Variants in ADCY10 observed in about 807,000 individuals in gnomAD.
ADCY10 encodes the protein adenylate cyclase 10.
Under a neutral mutation model 183.3 loss-of-function variants are expected in ADCY10, and 156 were observed. That is an observed-to-expected ratio of 0.85 (90% CI 0.75 to 0.97). The LOEUF is 0.97. ADCY10 is among the 50% of genes least tolerant of loss of function. The pLI, the probability that ADCY10 is intolerant of heterozygous loss-of-function variation, is 0.00. For missense variants in ADCY10, 1,745 were observed against 1,934.3 expected, an observed-to-expected ratio of 0.90 and a Z score of 1.84; for synonymous variants, 645 against 670.0, an observed-to-expected ratio of 0.96 and a Z score of 0.58.
chr1:167,815,771 T>A (rs547796802), intron 31 of ADCY10, among the ~76,000 whole-genome samples: 8 of 151,986 alleles, frequency 5.3e-5, no homozygotes, highest in Non-Finnish European at 1.2e-4. Context: ...AAAGCTCTAA[T>A]GAATAAAGTA....
Position 167,845,563 on chromosome 1 carries a change from T to G in ADCY10, c.3007A>C (p.Thr1003Pro). Reference protein sequence around the residue: ...KKMAMSHGFKTEEKLILSNSE... With the variant: ...KKMAMSHGFKPEEKLILSNSE... Reference sequence around the variant, plus strand: ...ATAATTTTAAAATGAAGTAGGTTACTTTTAAATCCATGAGACATAGCCATC... The same window carrying G: ...ATAATTTTAAAATGAAGTAGGTTACGTTTAAATCCATGAGACATAGCCATC... The change falls in exon 21 of 33, where the codon ACT becomes CCT. Residue 1003 changes from threonine (T) to proline (P), a missense_variant and splice_region_variant. Physicochemically the swap from Thr to Pro is conservative, Grantham distance 38. Transcript: ENST00000367851. 4.3e-6 allele frequency: 7 copies of G among 1,614,168 alleles called. No homozygotes were observed. The highest frequency in any genetic ancestry group is 5.9e-6 in the Non-Finnish European group (7 of 1,179,968).
chr1:167,827,293 G>A (rs1315348077), intron 26 of ADCY10, among the ~76,000 whole-genome samples: 3 of 150,376 alleles, frequency 2.0e-5, no homozygotes, highest in South Asian at 2.1e-4. Flanking sequence ...TCAGCCTCCC[G>A]AGTAGCTGGG....
intron 8 of ADCY10, among the ~76,000 whole-genome samples, chr1:167,883,889 A>C (rs1012204053): frequency 6.6e-6 from 1 of 152,188 alleles, no homozygotes; most frequent in South Asian, 2.1e-4. Context: ...CCTCATGCCA[A>C]TATGAGCCAT....
chr1:167,843,906 C>T (rs1178458642), intron 21 of ADCY10, among the ~76,000 whole-genome samples: 1 of 152,204 alleles, frequency 6.6e-6, no homozygotes, highest in African/African-American at 2.4e-5. Context: ...CTTCACAAAT[C>T]CTGACCCTCT....
At chr1:167,905,996 T>C (rs747015407) in intron 1 of ADCY10, among the ~76,000 whole-genome samples, 20 of 152,304 alleles carry the variant, frequency 1.3e-4, no homozygotes, top group South Asian at 1.0e-3. Context: ...GAATAGGTTA[T>C]ACAGAAAATA....
In ADCY10 at chr1:167,859,919, G is replaced by A. The variant is rs770546608; in HGVS notation, c.1810-26C>T. 5.4e-5 allele frequency: 83 copies of A among 1,542,630 alleles called. 1 individual carries two copies. The highest frequency in any genetic ancestry group is 7.4e-5 in the Non-Finnish European group (82 of 1,115,336). Reference sequence around the variant, plus strand: ...CTGTACAAAGAATTATGAGAATATTGAGTATGGGAAAATAGCAAAGGGAAC... The same window carrying A: ...CTGTACAAAGAATTATGAGAATATTAAGTATGGGAAAATAGCAAAGGGAAC... On this transcript the variant is annotated intron_variant, in intron 15 of 32. Transcript: ENST00000367851.
chr1:167,890,503 G>T (rs1271672911), intron 8 of ADCY10, among the ~76,000 whole-genome samples: 2 of 152,184 alleles, frequency 1.3e-5, no homozygotes, highest in Non-Finnish European at 2.9e-5. Context: ...CACTGGGTCA[G>T]ACCTGAAGCT....
intron 17 of ADCY10, among the ~76,000 whole-genome samples, chr1:167,855,242 C>T (rs1018436672): frequency 1.3e-5 from 2 of 152,200 alleles, no homozygotes; most frequent in Non-Finnish European, 2.9e-5. Flanking sequence ...ATCGCTTGAA[C>T]CCGGGAGGTG....
intron 23 of ADCY10, chr1:167,834,430 A>G: frequency 2.8e-6 from 1 of 357,910 alleles, no homozygotes; most frequent in East Asian, 6.5e-5. Flanking sequence ...CCTATTCCCA[A>G]CAACACATCC....
intron 21 of ADCY10, among the ~76,000 whole-genome samples, chr1:167,840,194 T>G (rs1664512134): frequency 6.6e-6 from 1 of 151,508 alleles, no homozygotes; most frequent in South Asian, 2.1e-4. Flanking sequence ...ATCATGCCAC[T>G]ACATTCCAGC....
intron 15 of ADCY10, 34 bp from the exon 16 acceptor site, chr1:167,859,927 G>A (rs1242239503): frequency 1.3e-6 from 2 of 1,504,520 alleles, no homozygotes; most frequent in Non-Finnish European, 9.3e-7. Context: ...TTGAGTATGG[G>A]AAAATAGCAA....
At chr1:167,913,113 G>A (rs986111706) in intron 1 of ADCY10, among the ~76,000 whole-genome samples, 38 of 152,146 alleles carry the variant, frequency 2.5e-4, no homozygotes, top group Non-Finnish European at 4.4e-4. Flanking sequence ...ATCACATCAA[G>A]AATACAGCAT....
chr1:167,888,370 T>C (rs1668366401), intron 8 of ADCY10, among the ~76,000 whole-genome samples: 1 of 152,210 alleles, frequency 6.6e-6, no homozygotes, highest in East Asian at 1.9e-4. Context: ...CTTTGGGTAG[T>C]ATGAACATTC....
chr1:167,887,999 T>C (rs761059941), intron 8 of ADCY10, among the ~76,000 whole-genome samples: 7 of 152,202 alleles, frequency 4.6e-5, no homozygotes, highest in Admixed American at 2.6e-4. Flanking sequence ...CATCTGCATA[T>C]GGATATCCAG....
intron 21 of ADCY10, among the ~76,000 whole-genome samples, chr1:167,841,502 C>CTTTGTTT: frequency 1.1e-5 from 1 of 90,902 alleles, no homozygotes; most frequent in Non-Finnish European, 1.9e-5. Context: ...ATATGCTTTC[C>CTTTGTTT]TTTTTTTTTT....
Position 167,888,893 on chromosome 1 carries a change from A to AG in ADCY10, c.828+4959_828+4960insC, listed in dbSNP as rs1345342756. 4.3e-4 allele frequency among the ~76,000 whole-genome samples: 65 copies of AG among 151,514 alleles called. 1 individual carries two copies. Among genetic ancestry groups the AG allele is most frequent in the African/African-American group, 1.3e-3 (53 of 41,350 alleles). ...TCCGTCTCAAAAAAAAAAAAAAAGA[A>AG]AAAGAAAGAAAAAGAAATGCTGATT... On this transcript the variant is annotated intron_variant, in intron 8 of 32. Coordinates refer to ENST00000367851, the MANE Select transcript of ADCY10 (RefSeq NM_018417.6).
intron 1 of ADCY10, among the ~76,000 whole-genome samples, chr1:167,912,931 T>C (rs1047402195): frequency 2.0e-5 from 3 of 152,180 alleles, no homozygotes; most frequent in Non-Finnish European, 4.4e-5. Context: ...AATATCCAGG[T>C]CTGTGGGACT....
At position 167,833,975 on chromosome 1, in the gene ADCY10, C is replaced by T. The variant is rs779941118; in HGVS notation, c.3412G>A (p.Gly1138Ser). The part of the protein sequence containing the change: ...FESATFYSLK[G>S]EVCFNMGQIV... ...AGTCTTTAATGGTTTCTTACCTCAC[C>T]TTTGAGGCTGTAAAAGGTGGCAGAC... The change falls in exon 24 of 33, where the codon GGT becomes AGT. Residue 1138 changes from glycine to serine, a missense_variant. Gly to Ser is a moderately conservative substitution (Grantham distance 56). Coordinates refer to ENST00000367851, the MANE Select transcript of ADCY10 (RefSeq NM_018417.6). The T allele has an allele frequency of 1.2e-6, 2 of 1,613,492 alleles. No individual in the cohort carries two copies. Among genetic ancestry groups the T allele is most frequent in the South Asian group, 1.1e-5 (1 of 91,054 alleles).
intron 22 of ADCY10, chr1:167,836,961 G>T: frequency 4.9e-6 from 2 of 407,292 alleles, no homozygotes; most frequent in Non-Finnish European, 8.9e-6. Context: ...GAAGGCGGAG[G>T]TTGCAGTGAG....
Sources: gnomAD v4.1 joint callset for allele counts (sites outside exome capture counted in the v4.1 genomes callset) on GRCh38, gnomAD v4.1.1 for gene constraint, MANE v1.5 for transcripts, NCBI Gene and HGNC (gene_info 2026-07-23, HGNC 2026-07-21) for gene names.